CCDC7: variants seen among roughly 807,000 people sequenced by gnomAD.
The protein encoded by CCDC7 is coiled-coil domain containing 7, also known as coiled-coil domain-containing protein 7.
CCDC7 carries 183 observed loss-of-function variants against 196.9 expected under a neutral mutation model. The ratio of observed to expected loss-of-function variants is 0.93; its 90% CI spans 0.82 to 1.05. CCDC7 has a LOEUF of 1.05. CCDC7 is among the 50% of genes least tolerant of loss of function. CCDC7 has a pLI of 0.00. For synonymous variants in CCDC7, 525 were observed against 484.6 expected, an observed-to-expected ratio of 1.08 and a Z score of -1.10; for missense variants, 1,540 against 1,482.2, an observed-to-expected ratio of 1.04 and a Z score of -0.64.
intron 20 of CCDC7, among the ~76,000 whole-genome samples, chr10:32,658,081 T>A (rs749869975): frequency 4.6e-5 from 7 of 152,210 alleles, no homozygotes; most frequent in Non-Finnish European, 1.0e-4. Context: ...GCCAAAGCCA[T>A]TTAACAAGTC....
chr10:32,753,987 A>C (rs1160251531), intron 28 of CCDC7, among the ~76,000 whole-genome samples: 1 of 152,088 alleles, frequency 6.6e-6, no homozygotes, highest in African/African-American at 2.4e-5. Flanking sequence ...CTAATATCCC[A>C]ATACCATGTT....
intron 18 of CCDC7, among the ~76,000 whole-genome samples, chr10:32,600,921 T>C (rs2060929719): frequency 1.3e-5 from 2 of 152,212 alleles, no homozygotes; most frequent in African/African-American, 4.8e-5. Context: ...ATGAACTCCC[T>C]ATGTTTTTCT....
intron 21 of CCDC7, among the ~76,000 whole-genome samples, chr10:32,677,753 C>T (rs955408004): frequency 1.3e-5 from 2 of 151,638 alleles, no homozygotes; most frequent in Non-Finnish European, 2.9e-5. Context: ...TTTTCCTCCT[C>T]AGATTTGAAA....
At chr10:32,502,169 G>C (rs983459943) in intron 9 of CCDC7, among the ~76,000 whole-genome samples, 14 of 152,184 alleles carry the variant, frequency 9.2e-5, no homozygotes, top group Non-Finnish European at 2.1e-4. Flanking sequence ...TGGACTCTGT[G>C]GGGGTGGGAC....
At chr10:32,737,844 C>G (rs1271949799) in intron 28 of CCDC7, among the ~76,000 whole-genome samples, 1 of 152,152 alleles carries the variant, frequency 6.6e-6, no homozygotes, top group East Asian at 1.9e-4. Flanking sequence ...GTTTCTCCAG[C>G]TTTGCTTTGA....
intron 21 of CCDC7, among the ~76,000 whole-genome samples, chr10:32,666,384 GT>G (rs879588542): frequency 6.4e-4 from 97 of 151,134 alleles, no homozygotes; most frequent in African/African-American, 2.2e-3. Context: ...TATTTCTTTT[GT>G]TTTTTTTATA....
At chr10:32,661,551 C>T (rs1005449685) in intron 20 of CCDC7, among the ~76,000 whole-genome samples, 1 of 152,148 alleles carries the variant, frequency 6.6e-6, no homozygotes, top group Non-Finnish European at 1.5e-5. Flanking sequence ...CGAGATCTTG[C>T]TGCTGATTAT....
intron 21 of CCDC7, among the ~76,000 whole-genome samples, chr10:32,681,738 T>TACACACACACACACACACACACAC (rs57829018): frequency 5.1e-5 from 7 of 137,630 alleles, no homozygotes; most frequent in African/African-American, 2.0e-4. Flanking sequence ...TTTATATGTA[T>TACACACACACACACACACACACAC]ACACACACAC....
chr10:32,815,930 G>A (rs1233073415), intron 31 of CCDC7, among the ~76,000 whole-genome samples: 1 of 152,206 alleles, frequency 6.6e-6, no homozygotes, highest in Non-Finnish European at 1.5e-5. Flanking sequence ...CAACGCAGAA[G>A]ATGGGTGATT....
chr10:32,746,878 A>C (rs2074851113), intron 28 of CCDC7, among the ~76,000 whole-genome samples: 1 of 152,160 alleles, frequency 6.6e-6, no homozygotes. Flanking sequence ...ATGCGCACAC[A>C]AGGACCCCAT....
chr10:32,720,614 C>T (rs1306608209), intron 25 of CCDC7, among the ~76,000 whole-genome samples: 1 of 152,054 alleles, frequency 6.6e-6, no homozygotes, highest in African/African-American at 2.4e-5. Flanking sequence ...GGAAGGATAA[C>T]GATTCCCCTA....
At chr10:32,840,096 C>T (rs2092877984) in intron 33 of CCDC7, among the ~76,000 whole-genome samples, 1 of 151,818 alleles carries the variant, frequency 6.6e-6, no homozygotes, top group African/African-American at 2.4e-5. Flanking sequence ...CCTCACGGAA[C>T]TGGAGAAACA....
At chr10:32,680,428 T>C (rs1591525341) in intron 21 of CCDC7, among the ~76,000 whole-genome samples, 1 of 67,712 alleles carries the variant, frequency 1.5e-5, no homozygotes, top group African/African-American at 3.1e-5. Context: ...ATGTTCTTTC[T>C]TTTTTTTTTT....
intron 28 of CCDC7, among the ~76,000 whole-genome samples, chr10:32,749,573 T>G (rs975736085): frequency 3.3e-5 from 5 of 152,218 alleles, no homozygotes; most frequent in African/African-American, 1.2e-4. Flanking sequence ...TATTTTAATA[T>G]GTCAGTGCAA....
chr10:32,780,297 A>G (rs1483148682), intron 29 of CCDC7, among the ~76,000 whole-genome samples: 2 of 152,222 alleles, frequency 1.3e-5, no homozygotes, highest in African/African-American at 2.4e-5. Flanking sequence ...AGTAACTTCA[A>G]CCATATGAGG....
In CCDC7 at chr10:32,495,381, G is replaced by A. The variant is rs192336999; in HGVS notation, c.872+3384G>A. ...TGATAGTTTCTTTTGCTGTGCAGAA[G>A]TTCTTTAGTTTAATTAGATCCCATT... On this transcript the variant is annotated intron_variant, in intron 9 of 41. Transcript: ENST00000639629. Among the ~76,000 whole-genome samples, 8 of 152,306 alleles carry A rather than the reference G, an allele frequency of 5.3e-5. No homozygotes were observed. The South Asian group carries it at 6.2e-4, about 12-fold the overall frequency.
At chr10:32,820,012 G>C (rs958344654) in intron 31 of CCDC7, among the ~76,000 whole-genome samples, 2 of 152,196 alleles carry the variant, frequency 1.3e-5, no homozygotes, top group African/African-American at 4.8e-5. Flanking sequence ...ATTAGGAAAA[G>C]AGGAAGTCAC....
At chr10:32,674,909 T>C (rs2074666374) in intron 21 of CCDC7, among the ~76,000 whole-genome samples, 1 of 152,076 alleles carries the variant, frequency 6.6e-6, no homozygotes, top group South Asian at 2.1e-4. Flanking sequence ...GCTCTCTTTT[T>C]GATACCGTTT....
At chr10:32,709,252 A>G (rs1035574702) in intron 24 of CCDC7, among the ~76,000 whole-genome samples, 7 of 146,624 alleles carry the variant, frequency 4.8e-5, no homozygotes, top group Non-Finnish European at 7.5e-5. Context: ...GTTCTCACTC[A>G]TAGGTGGGAA....
Sources: allele counts gnomAD v4.1 joint callset (sites outside exome capture counted in the v4.1 genomes callset), GRCh38; gene constraint gnomAD v4.1.1; transcripts MANE v1.5; gene names NCBI Gene and HGNC (gene_info 2026-07-23, HGNC 2026-07-21).